PRIM1: variants seen among roughly 807,000 people sequenced by gnomAD.
The protein encoded by PRIM1 is DNA primase subunit 1.
A neutral mutation model predicts 60.2 loss-of-function variants in PRIM1; 38 were observed. The observed-to-expected ratio is 0.63, with a 90% CI of 0.49 to 0.83. The LOEUF is 0.83. Ranked by LOEUF, PRIM1 falls within the 40% of genes least tolerant of loss-of-function variation. PRIM1 has a pLI of 0.00. For missense variants in PRIM1, 388 were observed against 506.2 expected (o/e 0.77, Z 2.24); for synonymous variants, 158 against 160.2 (o/e 0.99, Z 0.10).
chr12:56,742,874 A>G, intron 7 of PRIM1, 113 bp downstream of exon 7: 1 of 777,886 alleles, frequency 1.3e-6, no homozygotes, highest in Non-Finnish European at 1.9e-6. Flanking sequence ...ATTTTGTGTA[A>G]AAAAGATTAA....
chr12:56,748,704 C>T (rs1458751977), intron 2 of PRIM1, among the ~76,000 whole-genome samples: 2 of 150,220 alleles, frequency 1.3e-5, no homozygotes, highest in Admixed American at 1.3e-4. Context: ...GCTTGTAATC[C>T]CAGCATTTTG....
At chr12:56,750,759 A>T (rs564978362) in intron 2 of PRIM1, among the ~76,000 whole-genome samples, 114 of 152,100 alleles carry the variant, frequency 7.5e-4, no homozygotes, top group African/African-American at 2.7e-3. Flanking sequence ...CCGGCTAATT[A>T]TTTCCCTTTC....
At chr12:56,738,908 T>G (rs192429004) in intron 10 of PRIM1, among the ~76,000 whole-genome samples, 3 of 152,312 alleles carry the variant, frequency 2.0e-5, no homozygotes, top group Admixed American at 2.0e-4. Flanking sequence ...TATAATAGCA[T>G]GTGAATCCCA....
intron 7 of PRIM1, among the ~76,000 whole-genome samples, chr12:56,742,429 C>T (rs1404243254): frequency 1.3e-5 from 2 of 151,940 alleles, no homozygotes; most frequent in East Asian, 3.9e-4. Context: ...ATTAGCTGGG[C>T]GTGGTGGCGT....
chr12:56,751,269 G>T, intron 1 of PRIM1, 74 bp from the exon 2 acceptor site: 3 of 1,168,390 alleles, frequency 2.6e-6, no homozygotes, highest in Non-Finnish European at 2.3e-6. Flanking sequence ...TTTAGCCAAT[G>T]AGAAGTTTTT....
At chr12:56,747,268 T>C (rs1387645148) in intron 2 of PRIM1, among the ~76,000 whole-genome samples, 1 of 152,198 alleles carries the variant, frequency 6.6e-6, no homozygotes, top group Non-Finnish European at 1.5e-5. Flanking sequence ...TAAATGTTTG[T>C]TGGTCAATAA....
chr12:56,749,238 A>C (rs1953929545), intron 2 of PRIM1, among the ~76,000 whole-genome samples: 1 of 152,000 alleles, frequency 6.6e-6, no homozygotes, highest in South Asian at 2.1e-4. Flanking sequence ...TGAACTCCTG[A>C]CCTCAAGTTA....
chr12:56,742,955 GCT>G, intron 7 of PRIM1, 30 bp downstream of exon 7: 3 of 1,442,336 alleles, frequency 2.1e-6, no homozygotes, highest in Non-Finnish European at 2.8e-6. Context: ...AAAACAACTA[GCT>G]CACACAGAAA....
At chr12:56,742,096 T>C (rs531312350) in intron 7 of PRIM1, 7 of 432,314 alleles carry the variant, frequency 1.6e-5, no homozygotes, top group Non-Finnish European at 2.1e-5. Context: ...CTACTAAAAA[T>C]AGAAAAATCA....
chr12:56,746,282 C>T lies in PRIM1; in HGVS notation c.443-101G>A, dbSNP rs979411720. 7.5e-6 allele frequency: 10 copies of T among 1,338,970 alleles called. 1 individual carries two copies. Among genetic ancestry groups the T allele is most frequent in the Non-Finnish European group, 1.0e-5 (10 of 955,756 alleles). The allele number at this position is 1,338,970 out of a possible 1,614,324, so 82.9% of individuals were successfully genotyped here. A position where few individuals can be genotyped will look rare whatever the true frequency, so the allele number is the denominator to read the frequency against. On this transcript the variant is annotated intron_variant, in intron 4 of 12. Transcript: ENST00000338193. The stretch of plus-strand genomic sequence containing the variant: ...GTTTCCTGTGCTCCCCATGTTCTTG[C>T]TTCATCTCTTTACCCATCCTGGTCT...
Position 56,746,044 on chromosome 12 carries a change from C to G in PRIM1, c.579+1G>C. On this transcript the variant is annotated splice_donor_variant, in intron 5 of 12. Coordinates refer to ENST00000338193, the MANE Select transcript of PRIM1 (RefSeq NM_000946.3). LOFTEE classifies it high-confidence loss of function. ...GCAAATTAGAATTAAGAGGATCTTACCTTTACAAGGCTCAAATACTCAACT... is the reference window on the plus strand; with the variant it reads ...GCAAATTAGAATTAAGAGGATCTTAGCTTTACAAGGCTCAAATACTCAACT... 6.2e-7 allele frequency: 1 copy of G among 1,602,466 alleles called. No individual in the cohort carries two copies. The highest frequency in any genetic ancestry group is 2.2e-5 in the East Asian group (1 of 44,816).
intron 12 of PRIM1, among the ~76,000 whole-genome samples, chr12:56,733,707 G>A (rs554518850): frequency 1.5e-4 from 22 of 150,266 alleles, no homozygotes; most frequent in African/African-American, 5.1e-4. Context: ...CTCATGTCTC[G>A]GCCTCCTGAG....
intron 1 of PRIM1, 117 bp downstream of exon 1, chr12:56,752,077 ATG>A: frequency 1.5e-6 from 1 of 649,174 alleles, no homozygotes; most frequent in Non-Finnish European, 2.5e-6. Flanking sequence ...GAGAGAGCAA[ATG>A]AAGGCGCGCG....
chr12:56,740,247 T>TA (rs1269046843), intron 9 of PRIM1, among the ~76,000 whole-genome samples: 1 of 152,118 alleles, frequency 6.6e-6, no homozygotes, highest in Non-Finnish European at 1.5e-5. Context: ...TATTTAGAAA[T>TA]AAAGTATATT....
intron 12 of PRIM1, among the ~76,000 whole-genome samples, chr12:56,732,860 T>G (rs1953793939): frequency 6.8e-6 from 1 of 147,698 alleles, no homozygotes; most frequent in Non-Finnish European, 1.5e-5. Context: ...GATTAGAAAT[T>G]TTTTTTTTTT....
chr12:56,746,371 G>A (rs1219371317), intron 4 of PRIM1, 190 bp from the exon 5 acceptor site: 2 of 773,598 alleles, frequency 2.6e-6, no homozygotes, highest in Admixed American at 4.1e-5. Flanking sequence ...GGTAGCTCAC[G>A]CCTGTAATCC....
intron 2 of PRIM1, among the ~76,000 whole-genome samples, chr12:56,749,293 A>G (rs1310563679): frequency 2.0e-5 from 3 of 152,114 alleles, no homozygotes; most frequent in African/African-American, 7.2e-5. Context: ...ACAGGTGTGA[A>G]CCACCGGCCC....
intron 4 of PRIM1, 152 bp from the exon 5 acceptor site, chr12:56,746,333 TA>T: frequency 9.7e-7 from 1 of 1,026,000 alleles, no homozygotes; most frequent in South Asian, 1.4e-5. Flanking sequence ...CTTTCTTTTT[TA>T]AAAAACTATT....
At chr12:56,746,713 T>C in intron 4 of PRIM1, 68 bp downstream of exon 4, 1 of 1,308,198 alleles carries the variant, frequency 7.6e-7, no homozygotes, top group East Asian at 2.4e-5. Flanking sequence ...CAGAGACTAA[T>C]AGTTAATAGT....
Sources: allele counts gnomAD v4.1 joint callset (sites outside exome capture counted in the v4.1 genomes callset), GRCh38; gene constraint gnomAD v4.1.1; transcripts MANE v1.5; gene names NCBI Gene and HGNC (gene_info 2026-07-23, HGNC 2026-07-21).